PPWD1: variants seen among roughly 807,000 people sequenced by gnomAD.
PPWD1 encodes the protein peptidylprolyl isomerase domain and WD repeat-containing protein 1.
Under a neutral mutation model 68.8 loss-of-function variants are expected in PPWD1, and 43 were observed. The observed-to-expected ratio is 0.62, with a 90% confidence interval of 0.49 to 0.81. PPWD1 has a LOEUF of 0.81. Ranked by LOEUF, PPWD1 falls within the 30% of genes least tolerant of loss-of-function variation. The pLI, the probability that PPWD1 is intolerant of heterozygous loss-of-function variation, is 0.00. For missense variants in PPWD1, 672 were observed against 804.8 expected, an observed-to-expected ratio of 0.83 and a Z score of 2.00; for synonymous variants, 232 against 258.7, an observed-to-expected ratio of 0.90 and a Z score of 0.99.
intron 1 of PPWD1, among the ~76,000 whole-genome samples, chr5:65,565,720 A>G (rs1752718477): frequency 6.6e-6 from 1 of 151,664 alleles, no homozygotes; most frequent in Admixed American, 6.6e-5. Flanking sequence ...AGGCAGGAGA[A>G]TCACTTGAAC....
chr5:65,573,346 T>G (rs2150596045), intron 5 of PPWD1, among the ~76,000 whole-genome samples: 1 of 148,552 alleles, frequency 6.7e-6, no homozygotes, highest in East Asian at 1.9e-4. Flanking sequence ...TGCACTTGAG[T>G]GCAGTGGCAT....
In PPWD1 at chr5:65,587,021, G is replaced by C. The variant is rs2150612917; in HGVS notation, c.1798-232G>C. 2.0e-5 allele frequency among the ~76,000 whole-genome samples: 3 copies of C among 152,250 alleles called. No homozygotes were observed. In the South Asian group the frequency reaches 6.2e-4, roughly 32 times the overall value. On this transcript the variant is annotated intron_variant, in intron 10 of 10. Coordinates refer to ENST00000261308, the MANE Select transcript of PPWD1 (RefSeq NM_015342.4). ...AAGATCTTCCAGTTCCCTTTGGTCT[G>C]AAAGATGCAGATATTTAATTAAACA...
At chr5:65,587,160 GTAAACT>G in intron 10 of PPWD1, 87 bp from the exon 11 acceptor site, 1 of 1,328,770 alleles carries the variant, frequency 7.5e-7, no homozygotes, top group Non-Finnish European at 1.0e-6. Flanking sequence ...AAAGGGGAGC[GTAAACT>G]TAAATTCTCT....
chr5:65,581,527 A>G (rs1753594100), intron 7 of PPWD1, among the ~76,000 whole-genome samples: 1 of 152,218 alleles, frequency 6.6e-6, no homozygotes, highest in East Asian at 1.9e-4. Flanking sequence ...TCAAGGTTGC[A>G]GTGAGCTATG....
intron 4 of PPWD1, 54 bp from the exon 5 acceptor site, chr5:65,571,785 G>C (rs1394146565): frequency 1.3e-6 from 2 of 1,569,014 alleles, no homozygotes; most frequent in Non-Finnish European, 1.7e-6. Flanking sequence ...AGGGAGGGAT[G>C]CTTGCTTGTT....
rs1482060410 is a variant in PPWD1, at chr5:65,586,096, G to A, written c.1712G>A (p.Arg571Gln). 3 of 1,613,576 alleles carry A rather than the reference G, an allele frequency of 1.9e-6. No individual in the cohort carries two copies. The highest frequency in any genetic ancestry group is 1.3e-5 in the African/African-American group (1 of 74,996). ...EFEDEFHSTL[R>Q]HDRPYTLSMA... ...GAAGATGAATTTCATTCAACATTAC[G>A]ACATGACAGGCCATACACACTCAGC... The change falls in exon 10 of 11, where the codon CGA becomes CAA. Residue 571 changes from arginine (R) to glutamine (Q), a missense_variant. This residue lies in a region of PPWD1 where 484 missense variants were observed against 646.2 expected (regional missense o/e 0.75). Transcript: ENST00000261308.
chr5:65,582,008 T>C (rs1379068223), intron 7 of PPWD1, among the ~76,000 whole-genome samples: 1 of 152,190 alleles, frequency 6.6e-6, no homozygotes, highest in East Asian at 1.9e-4. Flanking sequence ...AAGTCATAAC[T>C]TTAAAAAATT....
At chr5:65,563,715 C>G (rs1752460787) in intron 1 of PPWD1, 4 of 1,408,756 alleles carry the variant, frequency 2.8e-6, no homozygotes, top group South Asian at 2.5e-5. Context: ...ATATCTAACA[C>G]TTTTGATCAT....
chr5:65,572,341 A>T, intron 5 of PPWD1, 55 bp downstream of exon 5: 7 of 1,458,490 alleles, frequency 4.8e-6, no homozygotes, highest in Non-Finnish European at 5.5e-6. Flanking sequence ...GCTTTATTTT[A>T]TGCCTTTTCT....
In PPWD1 at chr5:65,563,400, A is replaced by T. The variant is rs1447107587; in HGVS notation, c.90A>T (p.Arg30Ser). Residue 30 changes from arginine to serine, a missense_variant, in exon 1 of 11, where the codon AGA becomes AGT. Coordinates refer to ENST00000261308, the MANE Select transcript of PPWD1 (RefSeq NM_015342.4). ...CGGAAAAAACAGAACTCAGCGAAAG[A>T]GAGCTGGCAGTAGCAGTGGCGGTGT... ...EEPEKTELSE[R>S]ELAVAVAVSQ... The T allele has an allele frequency of 1.2e-6, 2 of 1,614,046 alleles. No individual in the cohort carries two copies. The highest frequency in any genetic ancestry group is 2.7e-5 in the African/African-American group (2 of 74,932).
Position 65,583,188 on chromosome 5 carries a change from G to A in PPWD1, c.1501G>A (p.Gly501Arg), listed in dbSNP as rs1753674442. ...SDSAIIHTSM[G>R]DIHTKLFPVE... is the part of the protein sequence containing the mutation. Reference sequence around the variant, plus strand: ...CAGTGCCATTATCCACACCAGCATGGGAGACATTCACACCAAACTTTTTCC... The same window carrying A: ...CAGTGCCATTATCCACACCAGCATGAGAGACATTCACACCAAACTTTTTCC... The change falls in exon 8 of 11, where the codon GGA becomes AGA. Residue 501 changes from glycine (G) to arginine (R), a missense_variant. This residue lies in a region of PPWD1 where 484 missense variants were observed against 646.2 expected (regional missense o/e 0.75). Coordinates refer to ENST00000261308, the MANE Select transcript of PPWD1 (RefSeq NM_015342.4). 1.3e-6 allele frequency: 2 copies of A among 1,598,398 alleles called. No homozygotes were observed. The highest frequency in any genetic ancestry group is 1.7e-6 in the Non-Finnish European group (2 of 1,174,254).
At chr5:65,576,204 T>C (rs1753272181) in intron 5 of PPWD1, among the ~76,000 whole-genome samples, 1 of 152,042 alleles carries the variant, frequency 6.6e-6, no homozygotes, top group Admixed American at 6.5e-5. Context: ...TGTTTAATGT[T>C]ACTAGACACT....
chr5:65,570,154 CT>C (rs1752953051), intron 4 of PPWD1, 156 bp downstream of exon 4: 1 of 857,562 alleles, frequency 1.2e-6, no homozygotes, highest in South Asian at 5.4e-5. Flanking sequence ...ACAGTGAAGC[CT>C]TATAATGTTT....
At chr5:65,585,403 T>C (rs967745723) in intron 9 of PPWD1, among the ~76,000 whole-genome samples, 1 of 152,182 alleles carries the variant, frequency 6.6e-6, no homozygotes, top group Non-Finnish European at 1.5e-5. Context: ...TTGTCGTGGC[T>C]AGATAGGGTC....
Position 65,579,539 on chromosome 5 carries a change from A to T in PPWD1, c.1276A>T (p.Asn426Tyr). 1 of 1,610,912 alleles carries T rather than the reference A, an allele frequency of 6.2e-7. No homozygotes were observed. The highest frequency in any genetic ancestry group is 8.5e-7 in the Non-Finnish European group (1 of 1,178,888). The change falls in exon 7 of 11, where the codon AAT becomes TAT. Residue 426 changes from asparagine to tyrosine, a missense_variant. Physicochemically the swap from Asn to Tyr is moderately radical, Grantham distance 143. This residue lies in a region of PPWD1 where 484 missense variants were observed against 646.2 expected (regional missense o/e 0.75). Transcript: ENST00000261308. ...ATTIEMKASE[N>Y]PVLQNIQADP... ...TACTATAGAAATGAAAGCTTCTGAAAATCCTGTTCTTCAGAATATTCAAGC... is the reference window on the plus strand; with the variant it reads ...TACTATAGAAATGAAAGCTTCTGAATATCCTGTTCTTCAGAATATTCAAGC...
At chr5:65,574,291 A>G (rs980890443) in intron 5 of PPWD1, among the ~76,000 whole-genome samples, 7 of 152,194 alleles carry the variant, frequency 4.6e-5, no homozygotes, top group African/African-American at 1.7e-4. Context: ...TCTGCTTTTA[A>G]GGAGAAACAT....
At chr5:65,585,605 CAG>C (rs1051008085) in intron 9 of PPWD1, among the ~76,000 whole-genome samples, 4 of 151,968 alleles carry the variant, frequency 2.6e-5, no homozygotes, top group Admixed American at 1.3e-4. Context: ...GATGAAAAGT[CAG>C]ATCTCAGGGT....
chr5:65,564,465 G>T (rs891613715), intron 1 of PPWD1, among the ~76,000 whole-genome samples: 1 of 151,834 alleles, frequency 6.6e-6, no homozygotes, highest in Non-Finnish European at 1.5e-5. Flanking sequence ...AGTAGCTGGG[G>T]CTACAGGCGC....
intron 6 of PPWD1, among the ~76,000 whole-genome samples, chr5:65,578,735 CAT>C (rs1430050111): frequency 6.4e-5 from 5 of 78,388 alleles, no homozygotes; most frequent in African/African-American, 1.6e-4. Context: ...TATATATATA[CAT>C]ATATATATAC....
Sources: allele counts gnomAD v4.1 joint callset (sites outside exome capture counted in the v4.1 genomes callset), GRCh38; gene constraint gnomAD v4.1.1; regional missense constraint gnomAD v4.1.1; transcripts MANE v1.5; gene names NCBI Gene and HGNC (gene_info 2026-07-23, HGNC 2026-07-21).